The following FRMD4B variants were observed in gnomAD, a reference collection of about 807,000 sequenced individuals.
FRMD4B encodes the protein FERM domain containing 4B.
Under a neutral mutation model 141.5 loss-of-function variants are expected in FRMD4B, and 74 were observed. The ratio of observed to expected loss-of-function variants is 0.52; its 90% CI spans 0.43 to 0.63. The LOEUF (loss-of-function observed/expected upper bound fraction) is 0.63. FRMD4B is among the 30% of genes least tolerant of loss of function. The pLI is 0.00. For missense variants in FRMD4B, 1,366 were observed against 1,253.4 expected, an observed-to-expected ratio of 1.09 and a Z score of -1.36; for synonymous variants, 506 against 467.9, an observed-to-expected ratio of 1.08 and a Z score of -1.05.
intron 1 of FRMD4B, among the ~76,000 whole-genome samples, chr3:69,379,141 T>C (rs1348025162): frequency 1.3e-5 from 2 of 152,212 alleles, no homozygotes; most frequent in Admixed American, 6.5e-5. Flanking sequence ...TGGTGAGCCA[T>C]TGACAATTAT....
chr3:69,490,558 C>T (rs530264915), intron 1 of FRMD4B, among the ~76,000 whole-genome samples: 1 of 152,176 alleles, frequency 6.6e-6, no homozygotes, highest in Admixed American at 6.5e-5. Flanking sequence ...CACTGAGGTT[C>T]AACTCAAAAG....
At chr3:69,357,394 T>C (rs917893458) in intron 1 of FRMD4B, among the ~76,000 whole-genome samples, 54 of 152,342 alleles carry the variant, frequency 3.5e-4, no homozygotes, top group Non-Finnish European at 6.5e-4. Context: ...AGGAGTCCCG[T>C]TGAAAATGAA....
intron 1 of FRMD4B, among the ~76,000 whole-genome samples, chr3:69,349,599 A>C (rs76142973): frequency 0.7 from 106,702 of 151,956 alleles, 38,468 homozygotes; most frequent in African/African-American, 0.86. Context: ...GTAACCAAAA[A>C]AGCATGGTAC....
intron 1 of FRMD4B, among the ~76,000 whole-genome samples, chr3:69,364,715 C>T (rs912855420): frequency 6.6e-6 from 1 of 151,990 alleles, no homozygotes; most frequent in South Asian, 2.1e-4. Flanking sequence ...GAAATCTCAT[C>T]GAGACAATTC....
intron 1 of FRMD4B, among the ~76,000 whole-genome samples, chr3:69,325,141 A>T (rs1205852614): frequency 1.5e-5 from 2 of 136,950 alleles, no homozygotes; most frequent in African/African-American, 2.7e-5. Context: ...AAATTAATTG[A>T]TGGAGAGAAC....
intron 1 of FRMD4B, among the ~76,000 whole-genome samples, chr3:69,540,486 C>T (rs1394465474): frequency 2.0e-5 from 3 of 148,466 alleles, no homozygotes; most frequent in African/African-American, 7.5e-5. Context: ...TGGTGGCATG[C>T]GCCTGTAATC....
chr3:69,177,109 G>A (rs755350814), intron 21 of FRMD4B, among the ~76,000 whole-genome samples: 36 of 152,210 alleles, frequency 2.4e-4, no homozygotes, highest in East Asian at 7.7e-4. Flanking sequence ...AAGCCGAGGC[G>A]GGAGGACCAC....
chr3:69,248,244 T>TACACACACACACAC (rs147851519), intron 7 of FRMD4B, among the ~76,000 whole-genome samples: 1 of 150,674 alleles, frequency 6.6e-6, no homozygotes, highest in African/African-American at 2.4e-5. Flanking sequence ...AAAATGTAAA[T>TACACACACACACAC]ACACACACAC....
intron 1 of FRMD4B, among the ~76,000 whole-genome samples, chr3:69,455,912 G>A (rs1370593998): frequency 6.6e-6 from 1 of 152,092 alleles, no homozygotes; most frequent in African/African-American, 2.4e-5. Context: ...CCATCACCTG[G>A]CCATTTGTAG....
At position 69,201,448 on chromosome 3, in the gene FRMD4B, T is replaced by TTA. The variant is rs535616192; in HGVS notation, c.877-2676_877-2675dup. ...TTCTCAAAATTAAAGTAATAAAAGTTTATATATATAAAATGAATATAGGTT... is the reference window on the plus strand; with the variant it reads ...TTCTCAAAATTAAAGTAATAAAAGTTTATATATATATAAAATGAATATAGGTT... On this transcript the variant is annotated intron_variant, in intron 11 of 22. Coordinates refer to ENST00000398540, the MANE Select transcript of FRMD4B (RefSeq NM_015123.3). 2.4e-3 allele frequency among the ~76,000 whole-genome samples: 365 copies of TTA among 152,262 alleles called. 2 individuals are homozygous for TTA. Among genetic ancestry groups the TTA allele is most frequent in the African/African-American group, 8.4e-3 (350 of 41,558 alleles).
chr3:69,472,916 T>G (rs1017853748), intron 1 of FRMD4B, among the ~76,000 whole-genome samples: 8 of 146,322 alleles, frequency 5.5e-5, no homozygotes, highest in African/African-American at 1.0e-4. Flanking sequence ...AGGCTTCAAG[T>G]GAGTCTTTCT....
chr3:69,248,756 A>AAT (rs1259267870), intron 7 of FRMD4B, among the ~76,000 whole-genome samples: 4 of 152,284 alleles, frequency 2.6e-5, no homozygotes, highest in African/African-American at 9.6e-5. Flanking sequence ...CCGCAGCAAC[A>AAT]ATACAACTGT....
chr3:69,305,026 C>A (rs961559615), intron 3 of FRMD4B, among the ~76,000 whole-genome samples: 1 of 152,108 alleles, frequency 6.6e-6, no homozygotes, highest in Admixed American at 6.5e-5. Flanking sequence ...CTGTGCCAAC[C>A]AAGCTGGAAC....
intron 7 of FRMD4B, among the ~76,000 whole-genome samples, chr3:69,246,560 T>C (rs967153792): frequency 1.3e-5 from 2 of 152,154 alleles, no homozygotes; most frequent in Non-Finnish European, 2.9e-5. Flanking sequence ...GAAGATCAGA[T>C]AGGGAGAGCA....
In FRMD4B at chr3:69,367,175, G is replaced by C. The variant is rs1235475677; in HGVS notation, c.162+18653C>G. 3.3e-5 allele frequency among the ~76,000 whole-genome samples: 5 copies of C among 152,108 alleles called. No homozygotes were observed. The East Asian group carries it at 7.7e-4, about 23-fold the overall frequency. On this transcript the variant is annotated intron_variant, in intron 1 of 22. Transcript: ENST00000398540. ...AAATTAAACAGATCTTTATTCTCCA[G>C]AAATGGTCTACACAAGAGCCTGGAT...
intron 1 of FRMD4B, among the ~76,000 whole-genome samples, chr3:69,327,456 A>C (rs766175100): frequency 2.0e-5 from 3 of 152,244 alleles, no homozygotes; most frequent in East Asian, 3.8e-4. Flanking sequence ...TGAGAACCTA[A>C]GAATTAGCAA....
chr3:69,396,080 T>C (rs940412473), intron 2 of FRMD4B, among the ~76,000 whole-genome samples: 1 of 152,224 alleles, frequency 6.6e-6, no homozygotes, highest in Non-Finnish European at 1.5e-5. Flanking sequence ...CCACCACCTA[T>C]TCCCCTCTTT....
At chr3:69,230,395 C>A (rs2107781774) in intron 7 of FRMD4B, among the ~76,000 whole-genome samples, 1 of 152,228 alleles carries the variant, frequency 6.6e-6, no homozygotes, top group East Asian at 1.9e-4. Context: ...AATTTGCATA[C>A]CCTATAACCC....
intron 1 of FRMD4B, among the ~76,000 whole-genome samples, chr3:69,473,316 T>C (rs1032422563): frequency 6.6e-6 from 1 of 152,138 alleles, no homozygotes; most frequent in African/African-American, 2.4e-5. Flanking sequence ...CTGTCCACTC[T>C]ACCAAGTCAA....
Sources: gnomAD v4.1 joint callset for allele counts (sites outside exome capture counted in the v4.1 genomes callset) on GRCh38, gnomAD v4.1.1 for gene constraint, MANE v1.5 for transcripts, NCBI Gene and HGNC (gene_info 2026-07-23, HGNC 2026-07-21) for gene names.